Variants in EYS observed in about 807,000 individuals in gnomAD.
The protein encoded by EYS is EGF-like photoreceptor maintenance factor, also known as protein eyes shut homolog.
EYS carries 250 observed loss-of-function variants against 282.1 expected under a neutral mutation model. That is an observed-to-expected ratio of 0.89 (90% CI 0.80 to 0.98). The LOEUF (loss-of-function observed/expected upper bound fraction) is 0.98. Ranked by LOEUF, EYS falls within the 50% of genes least tolerant of loss-of-function variation. The pLI, the probability that EYS is intolerant of heterozygous loss-of-function variation, is 0.00. For missense variants in EYS, 4,016 were observed against 3,709.0 expected (o/e 1.08, Z -2.15); for synonymous variants, 1,355 against 1,282.9 (o/e 1.06, Z -1.20).
intron 26 of EYS, among the ~76,000 whole-genome samples, chr6:64,544,842 A>G (rs143540156): frequency 0.016 from 2,367 of 152,296 alleles, 55 homozygotes; most frequent in African/African-American, 0.055. Flanking sequence ...ATCTCTGAAT[A>G]GACCAATAAC....
intron 12 of EYS, among the ~76,000 whole-genome samples, chr6:65,177,350 T>A (rs1044283017): frequency 2.0e-5 from 3 of 151,860 alleles, no homozygotes; most frequent in Non-Finnish European, 4.4e-5. Context: ...GTTCATGGCA[T>A]ATACCCTCCG....
At chr6:65,637,768 C>T (rs1331915422) in intron 2 of EYS, among the ~76,000 whole-genome samples, 1 of 152,178 alleles carries the variant, frequency 6.6e-6, no homozygotes, top group Non-Finnish European at 1.5e-5. Context: ...CCTGCTGCCT[C>T]AGCCTCCTCC....
At chr6:64,943,249 T>C (rs925138301) in intron 15 of EYS, among the ~76,000 whole-genome samples, 2 of 152,104 alleles carry the variant, frequency 1.3e-5, no homozygotes, top group East Asian at 3.9e-4. Context: ...GCCAACATCA[T>C]ACTAAATGGG....
intron 22 of EYS, among the ~76,000 whole-genome samples, chr6:64,759,901 T>A (rs1258504573): frequency 6.6e-6 from 1 of 152,200 alleles, no homozygotes; most frequent in East Asian, 1.9e-4. Context: ...ATTAATGCTA[T>A]AAAAATGGTC....
At chr6:65,442,926 A>T (rs1768416237) in intron 5 of EYS, among the ~76,000 whole-genome samples, 1 of 133,416 alleles carries the variant, frequency 7.5e-6, no homozygotes, top group Admixed American at 7.4e-5. Context: ...ACATATGTAC[A>T]TATATGTATA....
At position 65,152,393 on chromosome 6, in the gene EYS, A is replaced by G. The variant is rs189393094; in HGVS notation, c.2024-94666T>C. On this transcript the variant is annotated intron_variant, in intron 12 of 42. Coordinates refer to ENST00000503581, the MANE Select transcript of EYS (RefSeq NM_001142800.2). ...ACTTTATTTGGAAATAGGACTTTAA[A>G]GAGGTGATTACATTAAAGTGAGACC... 2.0e-5 allele frequency among the ~76,000 whole-genome samples: 3 copies of G among 152,042 alleles called. No individual in the cohort carries two copies. In the East Asian group the frequency reaches 5.8e-4, roughly 30 times the overall value.
At chr6:64,820,940 T>C (rs1301743773) in intron 21 of EYS, among the ~76,000 whole-genome samples, 1 of 152,028 alleles carries the variant, frequency 6.6e-6, no homozygotes, top group Non-Finnish European at 1.5e-5. Flanking sequence ...AAAATACCCA[T>C]GGTTTCACAA....
At chr6:65,486,432 C>T (rs1336377172) in intron 5 of EYS, among the ~76,000 whole-genome samples, 3 of 152,078 alleles carry the variant, frequency 2.0e-5, no homozygotes, top group East Asian at 1.9e-4. Context: ...CTGCATCTTG[C>T]TCAAAATCAG....
At chr6:65,139,111 A>G (rs184671850) in intron 12 of EYS, among the ~76,000 whole-genome samples, 16 of 152,200 alleles carry the variant, frequency 1.1e-4, no homozygotes, top group Admixed American at 9.8e-4. Context: ...AAATTATTTT[A>G]CCATAAAGAC....
rs373385810 is a variant in EYS, at chr6:64,428,421, G to A, written c.5927+7753C>T. Among the ~76,000 whole-genome samples the A allele has an allele frequency of 2.6e-5, 4 of 152,130 alleles. No homozygotes were observed. The East Asian group carries it at 7.7e-4, about 29-fold the overall frequency. ...AGCTAGAATTACAGCTGAGTCAAGT[G>A]AATCATATGCAGCAGAAAGATTTAA... is the stretch of plus-strand genomic sequence containing the variant. On this transcript the variant is annotated intron_variant, in intron 28 of 42. Transcript: ENST00000503581.
At chr6:64,268,975 A>T (rs113685203) in intron 30 of EYS, among the ~76,000 whole-genome samples, 1 of 152,304 alleles carries the variant, frequency 6.6e-6, no homozygotes, top group African/African-American at 2.4e-5. Flanking sequence ...AAACAAGAAA[A>T]TGAGAGCATT....
At chr6:64,154,043 A>G (rs1005302399) in intron 31 of EYS, among the ~76,000 whole-genome samples, 1 of 152,208 alleles carries the variant, frequency 6.6e-6, no homozygotes, top group Non-Finnish European at 1.5e-5. Flanking sequence ...AATAATACTT[A>G]CTGTTTTTAG....
At chr6:64,326,984 C>T (rs1348458958) in intron 29 of EYS, among the ~76,000 whole-genome samples, 1 of 152,090 alleles carries the variant, frequency 6.6e-6, no homozygotes, top group Admixed American at 6.6e-5. Context: ...ACAAAATTCA[C>T]ACCCTAACTG....
chr6:64,262,671 C>G (rs773024079), intron 30 of EYS, among the ~76,000 whole-genome samples: 54 of 152,082 alleles, frequency 3.6e-4, no homozygotes, highest in Non-Finnish European at 6.8e-4. Flanking sequence ...AGAGAAACAT[C>G]TTAAGGCATA....
intron 26 of EYS, among the ~76,000 whole-genome samples, chr6:64,450,005 A>C (rs1041600904): frequency 1.2e-4 from 19 of 152,154 alleles, no homozygotes; most frequent in Non-Finnish European, 2.5e-4. Flanking sequence ...CACACATAAC[A>C]ATACTAACCT....
At chr6:64,216,160 T>A (rs1321673169) in intron 31 of EYS, among the ~76,000 whole-genome samples, 1 of 151,854 alleles carries the variant, frequency 6.6e-6, no homozygotes, top group Non-Finnish European at 1.5e-5. Context: ...TAAGCACAGA[T>A]CCATTGGAAA....
intron 2 of EYS, among the ~76,000 whole-genome samples, chr6:65,603,540 C>T (rs1765682336): frequency 6.6e-6 from 1 of 151,836 alleles, no homozygotes. Context: ...CCTGAGAAGG[C>T]AATCTATTTT....
chr6:65,330,830 C>G (rs1369670868), intron 11 of EYS: 1 of 936,118 alleles, frequency 1.1e-6, no homozygotes, highest in Non-Finnish European at 1.3e-6. Flanking sequence ...TCCCTATACA[C>G]ATTTAGAGTC....
At chr6:65,094,562 AG>A (rs1258520840) in intron 12 of EYS, among the ~76,000 whole-genome samples, 1 of 151,424 alleles carries the variant, frequency 6.6e-6, no homozygotes, top group African/African-American at 2.4e-5. Context: ...TGAGAATAAC[AG>A]AAGACAAACT....
Sources: gnomAD v4.1 joint callset for allele counts (sites outside exome capture counted in the v4.1 genomes callset) on GRCh38, gnomAD v4.1.1 for gene constraint, MANE v1.5 for transcripts, NCBI Gene and HGNC (gene_info 2026-07-23, HGNC 2026-07-21) for gene names.